DEPDC1B: variants seen among roughly 807,000 people sequenced by gnomAD.
DEPDC1B encodes DEP domain containing 1B, also known as DEP domain-containing protein 1B.
A neutral mutation model predicts 66.5 loss-of-function variants in DEPDC1B; 51 were observed. The ratio of observed to expected loss-of-function variants is 0.77; its 90% CI spans 0.61 to 0.97. The LOEUF (loss-of-function observed/expected upper bound fraction) is 0.97, where lower values mean the gene tolerates loss of function less well. Ranked by LOEUF, DEPDC1B falls within the 50% of genes least tolerant of loss-of-function variation. The pLI, the probability that DEPDC1B is intolerant of heterozygous loss-of-function variation, is 0.00. For missense variants in DEPDC1B, 552 were observed against 637.1 expected (o/e 0.87, Z 1.44); for synonymous variants, 226 against 223.6 (o/e 1.01, Z -0.10).
At chr5:60,612,705 GAA>G (rs1554050974) in intron 7 of DEPDC1B, among the ~76,000 whole-genome samples, 24 of 85,368 alleles carry the variant, frequency 2.8e-4, no homozygotes, top group South Asian at 8.0e-4. Flanking sequence ...AAATGGTTCA[GAA>G]AAAAAAAAAA....
intron 2 of DEPDC1B, among the ~76,000 whole-genome samples, chr5:60,649,698 A>C (rs1430049998): frequency 3.9e-5 from 6 of 152,198 alleles, no homozygotes; most frequent in African/African-American, 1.4e-4. Context: ...CATCTTACAC[A>C]AAGGATTTGC....
intron 2 of DEPDC1B, among the ~76,000 whole-genome samples, chr5:60,666,511 C>A (rs1180610299): frequency 6.6e-6 from 1 of 152,072 alleles, no homozygotes; most frequent in Non-Finnish European, 1.5e-5. Context: ...TTTCTGAGAC[C>A]CAAATTGCAG....
At chr5:60,601,806 G>C (rs1280905914) in intron 9 of DEPDC1B, among the ~76,000 whole-genome samples, 1 of 152,132 alleles carries the variant, frequency 6.6e-6, no homozygotes, top group Non-Finnish European at 1.5e-5. Context: ...ATTATTGTGA[G>C]CATTTCACAT....
In DEPDC1B at chr5:60,654,106, A is replaced by G. The variant is rs905048129; in HGVS notation, c.315-6573T>C. 1.1e-4 allele frequency among the ~76,000 whole-genome samples: 17 copies of G among 149,316 alleles called. 1 individual carries two copies. Among genetic ancestry groups the G allele is most frequent in the Non-Finnish European group, 1.9e-4 (13 of 67,918 alleles). ...TATGTGGGCTCTTTTTTGGTTACAC[A>G]TAAATTTTAGGATTGTTTTTACTAG... is the stretch of plus-strand genomic sequence containing the variant. On this transcript the variant is annotated intron_variant, in intron 2 of 10. Transcript: ENST00000265036.
At chr5:60,608,760 C>CGG (rs1161819160) in intron 7 of DEPDC1B, among the ~76,000 whole-genome samples, 2 of 152,002 alleles carry the variant, frequency 1.3e-5, no homozygotes, top group Non-Finnish European at 2.9e-5. Flanking sequence ...TTACTAAACT[C>CGG]TAAACAACCA....
intron 2 of DEPDC1B, among the ~76,000 whole-genome samples, chr5:60,651,592 G>C (rs1030242864): frequency 2.6e-5 from 4 of 151,294 alleles, no homozygotes; most frequent in African/African-American, 4.9e-5. Flanking sequence ...TTTTAATCCA[G>C]TAAGTTTGAC....
intron 7 of DEPDC1B, among the ~76,000 whole-genome samples, chr5:60,607,438 G>T (rs1752334029): frequency 6.6e-6 from 1 of 152,096 alleles, no homozygotes; most frequent in South Asian, 2.1e-4. Context: ...AAAGGTTTAT[G>T]ATAATATTTT....
intron 7 of DEPDC1B, among the ~76,000 whole-genome samples, chr5:60,625,865 T>C (rs1203857017): frequency 6.6e-6 from 1 of 152,188 alleles, no homozygotes; most frequent in African/African-American, 2.4e-5. Flanking sequence ...CTATTGTGTG[T>C]ATTCAAGCTC....
intron 7 of DEPDC1B, among the ~76,000 whole-genome samples, chr5:60,620,028 A>C (rs1412837402): frequency 6.6e-6 from 1 of 152,230 alleles, no homozygotes; most frequent in African/African-American, 2.4e-5. Flanking sequence ...TGACAAAAAC[A>C]AGAAATGGGG....
rs149430380 is a variant in DEPDC1B, at chr5:60,683,593, A to G, written c.314+3369T>C. Among the ~76,000 whole-genome samples the G allele has an allele frequency of 6.6e-5, 10 of 152,270 alleles. No homozygotes were observed. In the East Asian group the frequency reaches 1.7e-3, roughly 26 times the overall value. On this transcript the variant is annotated intron_variant, in intron 2 of 10. Transcript: ENST00000265036. Reference sequence around the variant, plus strand: ...CCATTCATAACAAAAACTCTCCATAACTTAGGTACAGAAGGAATATAACAC... The same window carrying G: ...CCATTCATAACAAAAACTCTCCATAGCTTAGGTACAGAAGGAATATAACAC...
At chr5:60,625,007 G>C (rs1344047037) in intron 7 of DEPDC1B, among the ~76,000 whole-genome samples, 1 of 149,784 alleles carries the variant, frequency 6.7e-6, no homozygotes, top group Non-Finnish European at 1.5e-5. Flanking sequence ...TTGGTTTTCT[G>C]TTCTTGTGAT....
At chr5:60,612,741 A>G (rs1379513741) in intron 7 of DEPDC1B, among the ~76,000 whole-genome samples, 2 of 150,962 alleles carry the variant, frequency 1.3e-5, no homozygotes, top group Admixed American at 6.6e-5. Flanking sequence ...GGACTGTGCT[A>G]TAGCCGTTCT....
intron 7 of DEPDC1B, among the ~76,000 whole-genome samples, chr5:60,620,293 T>A (rs1752671731): frequency 6.6e-6 from 1 of 152,038 alleles, no homozygotes; most frequent in Non-Finnish European, 1.5e-5. Context: ...ACAAACAGGA[T>A]CTAATTAAAC....
intron 1 of DEPDC1B, among the ~76,000 whole-genome samples, chr5:60,690,277 G>A (rs1754512373): frequency 6.6e-6 from 1 of 151,918 alleles, no homozygotes; most frequent in African/African-American, 2.4e-5. Flanking sequence ...ACTGAAGCGT[G>A]GAATAGCCAC....
chr5:60,669,527 T>G (rs1042321786), intron 2 of DEPDC1B, among the ~76,000 whole-genome samples: 1 of 152,192 alleles, frequency 6.6e-6, no homozygotes, highest in Non-Finnish European at 1.5e-5. Context: ...ATTTGTAGGG[T>G]TTTGCTGTGC....
intron 9 of DEPDC1B, among the ~76,000 whole-genome samples, chr5:60,603,036 G>C (rs548526765): frequency 4.9e-4 from 74 of 152,226 alleles, no homozygotes; most frequent in African/African-American, 1.7e-3. Flanking sequence ...GCTTTTTCAT[G>C]CAAAAAGTGG....
intron 2 of DEPDC1B, among the ~76,000 whole-genome samples, chr5:60,655,402 G>GT (rs1753554673): frequency 1.3e-5 from 2 of 148,912 alleles, no homozygotes; most frequent in Admixed American, 1.3e-4. Flanking sequence ...AGGTTTTCTA[G>GT]TTTGTGCACA....
At chr5:60,651,529 T>TAAA (rs35534827) in intron 2 of DEPDC1B, among the ~76,000 whole-genome samples, 2 of 132,392 alleles carry the variant, frequency 1.5e-5, no homozygotes, top group Admixed American at 7.5e-5. Context: ...AGACTCCACC[T>TAAA]AAAAAAAAAA....
intron 6 of DEPDC1B, among the ~76,000 whole-genome samples, chr5:60,639,891 A>G (rs971084375): frequency 5.9e-5 from 9 of 152,232 alleles, no homozygotes; most frequent in African/African-American, 2.2e-4. Flanking sequence ...AACTGTACCC[A>G]AATAGACCTC....
Sources: gnomAD v4.1 joint callset for allele counts (sites outside exome capture counted in the v4.1 genomes callset) on GRCh38, gnomAD v4.1.1 for gene constraint, MANE v1.5 for transcripts, NCBI Gene and HGNC (gene_info 2026-07-23, HGNC 2026-07-21) for gene names.